Variants in GRIN2B observed in about 807,000 individuals in gnomAD.
The protein encoded by GRIN2B is glutamate ionotropic receptor NMDA type subunit 2B.
GRIN2B carries 5 observed loss-of-function variants against 114.5 expected under a neutral mutation model. That is an observed-to-expected ratio of 0.04 (90% CI 0.02 to 0.09). The LOEUF is 0.09. GRIN2B is among the 10% of genes least tolerant of loss of function. The pLI is 1.00. For missense variants in GRIN2B, 1,108 were observed against 1,943.5 expected, an observed-to-expected ratio of 0.57 and a Z score of 8.08; for synonymous variants, 787 against 745.1, an observed-to-expected ratio of 1.06 and a Z score of -0.92.
At chr12:13,682,993 T>G (rs1950145565) in intron 4 of GRIN2B, among the ~76,000 whole-genome samples, 1 of 152,146 alleles carries the variant, frequency 6.6e-6, no homozygotes, top group Non-Finnish European at 1.5e-5. Flanking sequence ...ATGCTGTCTT[T>G]GGCCAATTAT....
At chr12:13,780,435 A>G (rs1326664835) in intron 3 of GRIN2B, among the ~76,000 whole-genome samples, 2 of 152,172 alleles carry the variant, frequency 1.3e-5, no homozygotes, top group Non-Finnish European at 2.9e-5. Context: ...TGTGGCCTTT[A>G]AGCAGTTGTC....
At chr12:13,809,316 G>A (rs1212375609) in intron 3 of GRIN2B, among the ~76,000 whole-genome samples, 4 of 152,178 alleles carry the variant, frequency 2.6e-5, no homozygotes, top group Non-Finnish European at 5.9e-5. Context: ...GAGGTTTAGT[G>A]GCCAAGAGGC....
At chr12:13,839,716 G>A (rs1280625756) in intron 3 of GRIN2B, among the ~76,000 whole-genome samples, 1 of 152,088 alleles carries the variant, frequency 6.6e-6, no homozygotes, top group Non-Finnish European at 1.5e-5. Flanking sequence ...ATGCCACCAT[G>A]GTCCACAGTG....
intron 5 of GRIN2B, among the ~76,000 whole-genome samples, chr12:13,633,435 T>C (rs754951704): frequency 6.6e-6 from 1 of 152,176 alleles, no homozygotes; most frequent in Non-Finnish European, 1.5e-5. Flanking sequence ...TAGGAGGTAA[T>C]GGTGGTAGGG....
Position 13,562,731 on chromosome 12 carries a change from C to T in GRIN2B, c.*52G>A, listed in dbSNP as rs537983876. The T allele has an allele frequency of 2.6e-5, 38 of 1,446,352 alleles. No individual in the cohort carries two copies. Among genetic ancestry groups the T allele is most frequent in the East Asian group, 1.6e-4 (7 of 44,102 alleles). 89.6% of individuals were successfully genotyped at this position (1,446,352 alleles called of 1,614,324 possible). A position where few individuals can be genotyped will look rare whatever the true frequency, so the allele number is the denominator to read the frequency against. On this transcript the variant is annotated 3_prime_UTR_variant, in exon 14 of 14. Transcript: ENST00000609686. Reference sequence around the variant, plus strand: ...CACCCTCCGTGACATGCGCATCACGCGACCCACAGCCTTACCCTCCCGTAC... The same window carrying T: ...CACCCTCCGTGACATGCGCATCACGTGACCCACAGCCTTACCCTCCCGTAC...
At chr12:13,759,003 T>G (rs1226444600) in intron 3 of GRIN2B, among the ~76,000 whole-genome samples, 16 of 108,614 alleles carry the variant, frequency 1.5e-4, no homozygotes, top group African/African-American at 4.8e-4. Flanking sequence ...GTTCAATTTT[T>G]TTTTTTTTTT....
At chr12:13,572,975 C>CGGAACGACA (rs368163797) in intron 10 of GRIN2B, among the ~76,000 whole-genome samples, 2 of 150,138 alleles carry the variant, frequency 1.3e-5, no homozygotes, top group Admixed American at 6.6e-5. Context: ...CTGATGTCAT[C>CGGAACGACA]ATTAAGAGTT....
intron 2 of GRIN2B, among the ~76,000 whole-genome samples, chr12:13,933,094 C>G (rs542739623): frequency 8.3e-4 from 126 of 152,230 alleles, no homozygotes; most frequent in Non-Finnish European, 1.6e-3. Context: ...GGCATGTTTC[C>G]TTTCCCCTTG....
intron 2 of GRIN2B, among the ~76,000 whole-genome samples, chr12:13,881,576 A>T (rs1466130299): frequency 6.6e-6 from 1 of 152,190 alleles, no homozygotes. Flanking sequence ...TGACCCATCT[A>T]AAACATTTTC....
intron 3 of GRIN2B, among the ~76,000 whole-genome samples, chr12:13,864,672 G>A (rs1865797269): frequency 1.3e-5 from 2 of 152,144 alleles, no homozygotes; most frequent in Admixed American, 6.5e-5. Flanking sequence ...ACAACCCAAA[G>A]CAGAATAAAA....
intron 4 of GRIN2B, among the ~76,000 whole-genome samples, chr12:13,697,152 T>C (rs1278261669): frequency 1.3e-5 from 2 of 152,054 alleles, no homozygotes; most frequent in Non-Finnish European, 2.9e-5. Flanking sequence ...CCCAGCAAGT[T>C]TGCTCTAAGA....
chr12:13,591,791 C>T (rs1321584622), intron 10 of GRIN2B, among the ~76,000 whole-genome samples: 1 of 152,098 alleles, frequency 6.6e-6, no homozygotes, highest in African/African-American at 2.4e-5. Context: ...TGGCTTTGGA[C>T]TGCAATTTTC....
rs192366225 is a variant in GRIN2B, at chr12:13,787,286, A to T, written c.412-33371T>A. 2.6e-5 allele frequency among the ~76,000 whole-genome samples: 4 copies of T among 152,308 alleles called. No homozygotes were observed. The East Asian group carries it at 7.7e-4, about 29-fold the overall frequency. On this transcript the variant is annotated intron_variant, in intron 3 of 13. Transcript: ENST00000609686. ...TCTTCAGCCATTCATTGCTTATCGG[A>T]CACGTATCATCAGAAAAGGTGAAGA...
chr12:13,774,876 A>G (rs935127136), intron 3 of GRIN2B, among the ~76,000 whole-genome samples: 5 of 152,198 alleles, frequency 3.3e-5, no homozygotes, highest in Non-Finnish European at 7.3e-5. Context: ...GTAAAGTGAA[A>G]TGTAATTATC....
chr12:13,861,697 C>T (rs1018285852), intron 3 of GRIN2B, among the ~76,000 whole-genome samples: 2 of 152,204 alleles, frequency 1.3e-5, no homozygotes, highest in Non-Finnish European at 2.9e-5. Context: ...TGGGGTGAGA[C>T]CAAGACTCCC....
intron 9 of GRIN2B, among the ~76,000 whole-genome samples, chr12:13,611,284 G>A (rs1949362763): frequency 1.3e-5 from 2 of 152,078 alleles, no homozygotes; most frequent in Non-Finnish European, 2.9e-5. Context: ...TGATCCTTTG[G>A]CACTGGGGAA....
intron 3 of GRIN2B, among the ~76,000 whole-genome samples, chr12:13,825,496 T>TTTTTTTTGTGTGTGTGTGTG (rs375940899): frequency 5.7e-5 from 7 of 122,970 alleles, no homozygotes; most frequent in African/African-American, 2.2e-4. Context: ...TATATATATT[T>TTTTTTTTGTGTGTGTGTGTG]TGTGTGTGTG....
At chr12:13,579,788 A>G (rs1404140115) in intron 10 of GRIN2B, among the ~76,000 whole-genome samples, 2 of 151,940 alleles carry the variant, frequency 1.3e-5, no homozygotes, top group African/African-American at 4.8e-5. Flanking sequence ...GAACAGACGC[A>G]TTGTCAGATA....
At chr12:13,727,322 T>A (rs533647800) in intron 4 of GRIN2B, among the ~76,000 whole-genome samples, 1 of 152,322 alleles carries the variant, frequency 6.6e-6, no homozygotes, top group African/African-American at 2.4e-5. Context: ...AGACAACAGT[T>A]CTCATGTCTA....
Sources: allele counts gnomAD v4.1 joint callset (sites outside exome capture counted in the v4.1 genomes callset), GRCh38; gene constraint gnomAD v4.1.1; transcripts MANE v1.5; gene names NCBI Gene and HGNC (gene_info 2026-07-23, HGNC 2026-07-21).